Variants in DLG2 observed in about 807,000 individuals in gnomAD.
The protein encoded by DLG2 is disks large homolog 2.
DLG2 carries 45 observed loss-of-function variants against 132.5 expected under a neutral mutation model. That is an observed-to-expected ratio of 0.34 (90% CI 0.27 to 0.44). The LOEUF (loss-of-function observed/expected upper bound fraction) is 0.44, where lower values mean the gene tolerates loss of function less well. DLG2 is among the 20% of genes least tolerant of loss of function. DLG2 has a pLI of 1.00. For missense variants in DLG2, 1,045 were observed against 1,196.9 expected, an observed-to-expected ratio of 0.87 and a Z score of 1.87; for synonymous variants, 424 against 419.6, an observed-to-expected ratio of 1.01 and a Z score of -0.13.
chr11:85,292,466 G>A (rs114324959), intron 3 of DLG2, among the ~76,000 whole-genome samples: 150 of 151,672 alleles, frequency 9.9e-4, no homozygotes, highest in African/African-American at 2.8e-3. Context: ...AGGAATGAGT[G>A]CAAAACCCGG....
intron 18 of DLG2, among the ~76,000 whole-genome samples, chr11:83,721,622 A>C (rs1208333862): frequency 6.6e-6 from 1 of 152,236 alleles, no homozygotes; most frequent in African/African-American, 2.4e-5. Context: ...TGGATAATTC[A>C]AAGAGGGACT....
Position 84,533,905 on chromosome 11 carries a change from C to CAAAAAAAAAAAAAAAAAAAAAA in DLG2, c.519+643_519+664dup, listed in dbSNP as rs558597260. 5.3e-4 allele frequency among the ~76,000 whole-genome samples: 37 copies of CAAAAAAAAAAAAAAAAAAAAAA among 70,276 alleles called. 4 individuals carry two copies. The highest frequency in any genetic ancestry group is 1.4e-3 in the African/African-American group (27 of 18,972). The allele number at this position is 70,276 out of a possible 152,430, so 46.1% of individuals were successfully genotyped here. ...CAAAATCCAGTAGCGCCAGTTCAGC[C>CAAAAAAAAAAAAAAAAAAAAAA]AAAAAAAAAAAAAAAAAAAAAAAAA... On this transcript the variant is annotated intron_variant, in intron 7 of 27. Transcript: ENST00000376104.
chr11:84,850,197 T>C (rs955405405), intron 6 of DLG2, among the ~76,000 whole-genome samples: 5 of 152,104 alleles, frequency 3.3e-5, no homozygotes, highest in African/African-American at 1.2e-4. Context: ...TTCTGACCAA[T>C]GGTATGAGAA....
intron 4 of DLG2, among the ~76,000 whole-genome samples, chr11:85,191,158 GCGCGCACACACACA>G (rs2080514654): frequency 3.5e-5 from 4 of 113,362 alleles, no homozygotes; most frequent in African/African-American, 1.4e-4. Flanking sequence ...GCGCGCGCAC[GCGCGCACACACACA>G]CACACACACA....
Position 83,810,845 on chromosome 11 carries a change from T to C in DLG2, c.1722+22769A>G, listed in dbSNP as rs111935562. The stretch of plus-strand genomic sequence containing the variant: ...CCCATGGATTCAAAGATTATTTAGA[T>C]AGCCTCTGTTCTTGAGGAGCTCAGT... On this transcript the variant is annotated intron_variant, in intron 17 of 27. Coordinates refer to ENST00000376104, the MANE Select transcript of DLG2 (RefSeq NM_001142699.3). Among the ~76,000 whole-genome samples the C allele has an allele frequency of 4.9e-4, 75 of 152,216 alleles. 1 individual carries two copies. Among genetic ancestry groups the C allele is most frequent in the African/African-American group, 1.8e-3 (73 of 41,568 alleles).
intron 8 of DLG2, among the ~76,000 whole-genome samples, chr11:84,185,989 C>T (rs2096269093): frequency 6.6e-6 from 1 of 152,078 alleles, no homozygotes; most frequent in Non-Finnish European, 1.5e-5. Context: ...ATATGTTATT[C>T]CAATTGCCTG....
chr11:85,515,410 C>G (rs1048534901), intron 3 of DLG2, among the ~76,000 whole-genome samples: 17 of 151,938 alleles, frequency 1.1e-4, no homozygotes, highest in African/African-American at 4.1e-4. Context: ...GATTGAATCT[C>G]TGTTCCACAA....
chr11:84,002,069 G>A (rs1401926236), intron 11 of DLG2, among the ~76,000 whole-genome samples: 1 of 151,986 alleles, frequency 6.6e-6, no homozygotes, highest in Non-Finnish European at 1.5e-5. Flanking sequence ...ATAAAGATAA[G>A]AGTAGAACTA....
intron 6 of DLG2, among the ~76,000 whole-genome samples, chr11:85,056,397 A>C (rs940980135): frequency 2.6e-5 from 4 of 152,242 alleles, no homozygotes; most frequent in East Asian, 1.9e-4. Context: ...GGGAATTTAA[A>C]AATGAATATG....
At chr11:83,657,705 A>AT (rs903080686) in intron 18 of DLG2, among the ~76,000 whole-genome samples, 8 of 151,138 alleles carry the variant, frequency 5.3e-5, no homozygotes, top group East Asian at 3.9e-4. Flanking sequence ...TGCCTGGCTA[A>AT]TTTTTTTTGT....
At chr11:85,122,940 G>GTATATATATTATATATATATATTATATA (rs1376710814) in intron 5 of DLG2, among the ~76,000 whole-genome samples, 1 of 47,684 alleles carries the variant, frequency 2.1e-5, no homozygotes, top group African/African-American at 8.3e-5. Context: ...ATGTGTGTCT[G>GTATATATATTATATATATATATTATATA]TATATATATT....
At chr11:83,743,441 T>TC (rs1321039309) in intron 18 of DLG2, among the ~76,000 whole-genome samples, 11 of 142,010 alleles carry the variant, frequency 7.7e-5, no homozygotes, top group African/African-American at 3.0e-4. Context: ...TTTTTTTTTT[T>TC]TTTTTTTTAT....
At chr11:84,755,476 T>A (rs1355535740) in intron 6 of DLG2, among the ~76,000 whole-genome samples, 1 of 152,116 alleles carries the variant, frequency 6.6e-6, no homozygotes, top group Admixed American at 6.5e-5. Flanking sequence ...CAGGCTGGAG[T>A]GTAGTGGCAC....
At chr11:83,878,117 A>G (rs1470660702) in intron 15 of DLG2, among the ~76,000 whole-genome samples, 1 of 152,212 alleles carries the variant, frequency 6.6e-6, no homozygotes, top group African/African-American at 2.4e-5. Flanking sequence ...CTGTTCTGCC[A>G]TCTCATTTTC....
chr11:85,201,703 C>A (rs994235337), intron 4 of DLG2, among the ~76,000 whole-genome samples: 2 of 152,176 alleles, frequency 1.3e-5, no homozygotes, highest in African/African-American at 4.8e-5. Context: ...CATCCACAAG[C>A]ATCAAGAACA....
chr11:85,110,634 C>G (rs77728180), intron 6 of DLG2, among the ~76,000 whole-genome samples: 4 of 152,034 alleles, frequency 2.6e-5, no homozygotes, highest in Admixed American at 6.6e-5. Context: ...CTTTCTCCCC[C>G]CTGCCACAGA....
chr11:84,093,945 AGTGG>A (rs1197424698), intron 10 of DLG2, among the ~76,000 whole-genome samples: 1 of 151,058 alleles, frequency 6.6e-6, no homozygotes, highest in African/African-American at 2.4e-5. Flanking sequence ...TGCTTACCAC[AGTGG>A]GTCTTTTTTT....
intron 7 of DLG2, among the ~76,000 whole-genome samples, chr11:84,434,964 C>T (rs901083565): frequency 3.5e-5 from 5 of 143,186 alleles, no homozygotes; most frequent in African/African-American, 1.3e-4. Flanking sequence ...ATAGAGGGTA[C>T]TAAAAATCAC....
At chr11:84,868,409 G>C (rs542848851) in intron 6 of DLG2, among the ~76,000 whole-genome samples, 2 of 152,152 alleles carry the variant, frequency 1.3e-5, no homozygotes, top group South Asian at 2.1e-4. Flanking sequence ...TGCATTCATT[G>C]CTTCAAGTAA....
Sources: gnomAD v4.1 joint callset for allele counts (sites outside exome capture counted in the v4.1 genomes callset) on GRCh38, gnomAD v4.1.1 for gene constraint, MANE v1.5 for transcripts, NCBI Gene and HGNC (gene_info 2026-07-23, HGNC 2026-07-21) for gene names.